The following LIMS1 variants were observed in gnomAD, a reference collection of about 807,000 sequenced individuals.
LIMS1 encodes the protein LIM and senescent cell antigen-like-containing domain protein 1.
Under a neutral mutation model 44.1 loss-of-function variants are expected in LIMS1, and 18 were observed. The observed-to-expected ratio is 0.41, with a 90% CI of 0.28 to 0.61. The LOEUF is 0.61. LIMS1 is among the 20% of genes least tolerant of loss of function. The pLI is 0.32. For missense variants in LIMS1, 201 were observed against 422.0 expected (o/e 0.48, Z 4.59); for synonymous variants, 93 against 149.1 (o/e 0.62, Z 2.74).
At position 108,547,553 on chromosome 2, in the gene LIMS1, G is replaced by A. The variant is rs199584470; in HGVS notation, c.32+12959G>A. On this transcript the variant is annotated intron_variant, in intron 1 of 9. Transcript: ENST00000544547. ...CAGTTTGACTTATGTCTTCTGTCCA[G>A]TTGAGATTTGTTCTTTGAGTGTCCT... 4.6e-5 allele frequency among the ~76,000 whole-genome samples: 7 copies of A among 152,310 alleles called. No individual in the cohort carries two copies. The East Asian group carries it at 9.6e-4, about 21-fold the overall frequency.
intron 1 of LIMS1, among the ~76,000 whole-genome samples, chr2:108,648,044 A>G (rs573089328): frequency 6.6e-6 from 1 of 152,354 alleles, no homozygotes; most frequent in African/African-American, 2.4e-5. Flanking sequence ...TGCAGATGAC[A>G]TGATTGTATG....
At chr2:108,575,235 G>A (rs1685625410) in intron 1 of LIMS1, among the ~76,000 whole-genome samples, 1 of 151,906 alleles carries the variant, frequency 6.6e-6, no homozygotes, top group Non-Finnish European at 1.5e-5. Context: ...GATGGAGGTG[G>A]GGTTTTTCAG....
chr2:108,610,581 A>G (rs776453081), intron 1 of LIMS1, among the ~76,000 whole-genome samples: 6 of 152,176 alleles, frequency 3.9e-5, no homozygotes, highest in Non-Finnish European at 8.8e-5. Context: ...ACATGCTATT[A>G]CCATATCTAA....
At chr2:108,543,031 T>C (rs1573295576) in intron 1 of LIMS1, among the ~76,000 whole-genome samples, 1 of 152,384 alleles carries the variant, frequency 6.6e-6, no homozygotes, top group South Asian at 2.1e-4. Context: ...TACACTGTAC[T>C]ATGCTATAGG....
At chr2:108,682,104 A>G (rs1573634550) in intron 9 of LIMS1, among the ~76,000 whole-genome samples, 1 of 152,180 alleles carries the variant, frequency 6.6e-6, no homozygotes, top group African/African-American at 2.4e-5. Context: ...TTGAATTACC[A>G]GCATGATTGT....
intron 1 of LIMS1, 30 bp downstream of exon 1, chr2:108,534,624 C>T (rs985116996): frequency 1.2e-4 from 131 of 1,105,116 alleles, no homozygotes; most frequent in Admixed American, 1.6e-4. Flanking sequence ...GCCCCCGCCA[C>T]GTCCGCCCCG....
intron 1 of LIMS1, among the ~76,000 whole-genome samples, chr2:108,631,176 C>T (rs896063832): frequency 6.6e-6 from 1 of 152,208 alleles, no homozygotes; most frequent in African/African-American, 2.4e-5. Flanking sequence ...TCTCATTTAA[C>T]TGAAGATTTT....
intron 1 of LIMS1, among the ~76,000 whole-genome samples, chr2:108,579,021 A>G (rs1474777206): frequency 1.3e-5 from 2 of 152,332 alleles, no homozygotes; most frequent in East Asian, 1.9e-4. Flanking sequence ...TCATTATCCT[A>G]TATCACTTTT....
rs188874339 is a variant in LIMS1 at position 108,656,281 on chromosome 2, G to T, written c.33-3324G>T. Among the ~76,000 whole-genome samples the T allele has an allele frequency of 2.9e-3, 435 of 148,298 alleles. 3 individuals are homozygous for T. The highest frequency in any genetic ancestry group is 4.9e-3 in the Non-Finnish European group (330 of 67,124). ...TAGATCAGCTTCATCAGTCATGCCT[G>T]TCCTGACTTTTACATATAAATATCT... is the stretch of plus-strand genomic sequence containing the variant. On this transcript the variant is annotated intron_variant, in intron 1 of 9. Coordinates refer to ENST00000544547, the Ensembl canonical transcript of LIMS1.
intron 1 of LIMS1, among the ~76,000 whole-genome samples, chr2:108,633,585 A>G (rs1689049308): frequency 6.6e-6 from 1 of 152,184 alleles, no homozygotes; most frequent in South Asian, 2.1e-4. Context: ...TTGCCAAGTT[A>G]GTTTTGATTA....
chr2:108,578,703 C>G (rs1685769149), intron 1 of LIMS1, among the ~76,000 whole-genome samples: 1 of 149,296 alleles, frequency 6.7e-6, no homozygotes. Flanking sequence ...ACGCCATTCT[C>G]CTGCCTCAGC....
At chr2:108,611,161 C>A (rs1302104784) in intron 1 of LIMS1, among the ~76,000 whole-genome samples, 1 of 152,204 alleles carries the variant, frequency 6.6e-6, no homozygotes, top group African/African-American at 2.4e-5. Flanking sequence ...GTTTTTCACT[C>A]AATTACGTAA....
chr2:108,574,023 A>T (rs1308739700), intron 1 of LIMS1, among the ~76,000 whole-genome samples: 1 of 151,582 alleles, frequency 6.6e-6, no homozygotes, highest in Non-Finnish European at 1.5e-5. Flanking sequence ...GGTTTAAAAG[A>T]TGCCTGAATC....
chr2:108,537,859 C>G (rs1367342552), intron 1 of LIMS1, among the ~76,000 whole-genome samples: 1 of 152,176 alleles, frequency 6.6e-6, no homozygotes, highest in South Asian at 2.1e-4. Context: ...TGGAGCCCCT[C>G]CACTGGGTCA....
intron 1 of LIMS1, among the ~76,000 whole-genome samples, chr2:108,597,368 T>C (rs2104706415): frequency 6.6e-6 from 1 of 152,332 alleles, no homozygotes; most frequent in Non-Finnish European, 1.5e-5. Context: ...CAACACGTGA[T>C]TGTAATGATG....
intron 1 of LIMS1, among the ~76,000 whole-genome samples, chr2:108,538,919 G>A (rs1288307442): frequency 1.3e-5 from 2 of 152,170 alleles, no homozygotes; most frequent in Non-Finnish European, 2.9e-5. Context: ...TTAGAGCGGT[G>A]TATCTGGGTT....
intron 1 of LIMS1, among the ~76,000 whole-genome samples, chr2:108,578,945 A>AG (rs999135146): frequency 4.6e-5 from 7 of 152,174 alleles, no homozygotes; most frequent in African/African-American, 1.7e-4. Flanking sequence ...ATGATGATGT[A>AG]GGGATATCAT....
At chr2:108,681,603 A>G (rs1368897110) in intron 9 of LIMS1, 1 of 965,060 alleles carries the variant, frequency 1.0e-6, no homozygotes, top group Non-Finnish European at 1.2e-6. Flanking sequence ...TTAAAAATGC[A>G]TATATTCTAA....
At chr2:108,576,547 C>T (rs771711928) in intron 1 of LIMS1, among the ~76,000 whole-genome samples, 8 of 152,078 alleles carry the variant, frequency 5.3e-5, no homozygotes, top group Non-Finnish European at 7.4e-5. Context: ...ATTACAAGCA[C>T]GTGCCACCAC....
Sources: gnomAD v4.1 joint callset for allele counts (sites outside exome capture counted in the v4.1 genomes callset) on GRCh38, gnomAD v4.1.1 for gene constraint, MANE v1.5 for transcripts, NCBI Gene and HGNC (gene_info 2026-07-23, HGNC 2026-07-21) for gene names.